CDH20: variants seen among roughly 807,000 people sequenced by gnomAD.
The protein encoded by CDH20 is cadherin 20.
CDH20 carries 29 observed loss-of-function variants against 74.2 expected under a neutral mutation model. The observed-to-expected ratio is 0.39, with a 90% CI of 0.29 to 0.53. The LOEUF (loss-of-function observed/expected upper bound fraction) is 0.53, where lower values mean the gene tolerates loss of function less well. Ranked by LOEUF, CDH20 falls within the 20% of genes least tolerant of loss-of-function variation. The pLI is 0.69. For missense variants in CDH20, 988 were observed against 1,048.3 expected (o/e 0.94, Z 0.79); for synonymous variants, 469 against 405.4 (o/e 1.16, Z -1.88).
At chr18:61,343,932 T>C (rs1047301049) in intron 1 of CDH20, among the ~76,000 whole-genome samples, 1 of 152,086 alleles carries the variant, frequency 6.6e-6, no homozygotes, top group African/African-American at 2.4e-5. Flanking sequence ...TGGAGAGCAG[T>C]GAGTTCCCAG....
chr18:61,408,227 A>T (rs904901642), intron 1 of CDH20, among the ~76,000 whole-genome samples: 1 of 152,144 alleles, frequency 6.6e-6, no homozygotes, highest in African/African-American at 2.4e-5. Context: ...AGGAAATAAG[A>T]GTTTGAAGAT....
chr18:61,388,626 G>A (rs993914180), intron 1 of CDH20, among the ~76,000 whole-genome samples: 2 of 152,146 alleles, frequency 1.3e-5, no homozygotes, highest in African/African-American at 2.4e-5. Flanking sequence ...TTTGATTAAA[G>A]GTTCTGTAAC....
At chr18:61,385,760 T>C (rs1911576310) in intron 1 of CDH20, among the ~76,000 whole-genome samples, 1 of 151,890 alleles carries the variant, frequency 6.6e-6, no homozygotes, top group Non-Finnish European at 1.5e-5. Context: ...TGAAACCCCA[T>C]CTCTACTAAA....
chr18:61,478,198 CAAAA>C (rs56057785), intron 1 of CDH20, among the ~76,000 whole-genome samples: 1 of 104,208 alleles, frequency 9.6e-6, no homozygotes. Flanking sequence ...GACTCTGTCT[CAAAA>C]AAAAAAAAAA....
intron 1 of CDH20, among the ~76,000 whole-genome samples, chr18:61,431,612 G>T (rs188712653): frequency 6.6e-6 from 1 of 151,872 alleles, no homozygotes; most frequent in Admixed American, 6.5e-5. Flanking sequence ...ATATCTTAAA[G>T]AAAAAAAGAC....
rs557477489 is a variant in CDH20 at position 61,427,199 on chromosome 18, C to A, written c.-152-63203C>A. 3.9e-5 allele frequency among the ~76,000 whole-genome samples: 6 copies of A among 152,232 alleles called. No homozygotes were observed. The East Asian group carries it at 1.2e-3, about 29-fold the overall frequency. On this transcript the variant is annotated intron_variant, in intron 1 of 11. Coordinates refer to ENST00000262717, the MANE Select transcript of CDH20 (RefSeq NM_031891.4). ...TGTTTTTCACCTGTATAATTAATAA[C>A]ATTACATACAATAACATTACATACA...
chr18:61,394,432 A>C (rs929384629), intron 1 of CDH20, among the ~76,000 whole-genome samples: 2 of 152,174 alleles, frequency 1.3e-5, no homozygotes, highest in Non-Finnish European at 2.9e-5. Context: ...ACTTGTGCAC[A>C]GACACACACA....
rs1333757780 is a variant in CDH20 at position 61,554,601 on chromosome 18, A to C, written c.2312A>C (p.Glu771Ala). 1 of 1,608,848 alleles carries C rather than the reference A, an allele frequency of 6.2e-7. No individual in the cohort carries two copies. The highest frequency in any genetic ancestry group is 8.5e-7 in the Non-Finnish European group (1 of 1,178,322). ...CTGCAGTCGGCCACGTCGGACTCGG[A>C]ACAGAGCTTCGACTTCCTGACGGAC... is the stretch of plus-strand genomic sequence containing the variant. The part of the protein sequence containing the change: ...SSLQSATSDS[E>A]QSFDFLTDWG... Residue 771 changes from glutamate (E) to alanine (A), a missense_variant, in exon 12 of 12, where the codon GAA becomes GCA. Around this residue, in one of 2 missense-constraint regions of CDH20, gnomAD observed 375 missense variants for 293.1 expected, o/e 1.28. Transcript: ENST00000262717.
At chr18:61,365,168 G>GTGA (rs935484559) in intron 1 of CDH20, among the ~76,000 whole-genome samples, 9 of 152,188 alleles carry the variant, frequency 5.9e-5, no homozygotes, top group African/African-American at 2.2e-4. Flanking sequence ...CACAGAGGAG[G>GTGA]TGATCAATAC....
At chr18:61,407,024 A>G (rs1912352025) in intron 1 of CDH20, among the ~76,000 whole-genome samples, 1 of 152,244 alleles carries the variant, frequency 6.6e-6, no homozygotes. Context: ...CATACTTGCC[A>G]TCAAGATAAA....
chr18:61,413,017 C>G lies in CDH20; in HGVS notation c.-152-77385C>G, dbSNP rs1394746284. Among the ~76,000 whole-genome samples the G allele has an allele frequency of 2.0e-5, 3 of 152,116 alleles. No individual in the cohort carries two copies. In the East Asian group the frequency reaches 5.8e-4, roughly 29 times the overall value. Reference sequence around the variant, plus strand: ...TAAGAAAGTGAAAGCTTAACAACAACAAAAAATGAAGTCAGGAGACGGAGA... The same window carrying G: ...TAAGAAAGTGAAAGCTTAACAACAAGAAAAAATGAAGTCAGGAGACGGAGA... On this transcript the variant is annotated intron_variant, in intron 1 of 11. Transcript: ENST00000262717.
chr18:61,531,478 GT>G (rs1912636933), intron 7 of CDH20, among the ~76,000 whole-genome samples: 1 of 152,168 alleles, frequency 6.6e-6, no homozygotes, highest in South Asian at 2.1e-4. Context: ...GCCAATCGGT[GT>G]TTTTTTATTT....
intron 8 of CDH20, among the ~76,000 whole-genome samples, chr18:61,538,596 G>GTTGTTTTTTTTTTTTTTTTTT (rs1912899197): frequency 1.6e-4 from 4 of 24,518 alleles, no homozygotes; most frequent in Non-Finnish European, 3.9e-4. Flanking sequence ...TTGTTTGTTT[G>GTTGTTTTTTTTTTTTTTTTTT]TTTTTGTTTT....
chr18:61,354,051 AAAAG>A (rs1038226858), intron 1 of CDH20, among the ~76,000 whole-genome samples: 1 of 147,160 alleles, frequency 6.8e-6, no homozygotes, highest in Non-Finnish European at 1.6e-5. Context: ...CAAAAAAAAA[AAAAG>A]AAAAAGAAAA....
At chr18:61,518,603 C>T (rs534975246) in intron 6 of CDH20, among the ~76,000 whole-genome samples, 1 of 151,296 alleles carries the variant, frequency 6.6e-6, no homozygotes, top group South Asian at 2.1e-4. Flanking sequence ...CACACAGAAA[C>T]CCCATCCAAA....
Position 61,347,159 on chromosome 18 carries a change from C to CA in CDH20, c.-153+13337dup, listed in dbSNP as rs1910138651. On this transcript the variant is annotated intron_variant, in intron 1 of 11. Transcript: ENST00000262717. ...CAACAAATGTTAACTATCAAACACACAAAAACAGGCCAGGCTCAGTGGTTC... is the reference window on the plus strand; with the variant it reads ...CAACAAATGTTAACTATCAAACACACAAAAAACAGGCCAGGCTCAGTGGTTC... 2.7e-5 allele frequency among the ~76,000 whole-genome samples: 4 copies of CA among 145,550 alleles called. No individual in the cohort carries two copies. In the South Asian group the frequency reaches 9.3e-4, roughly 34 times the overall value.
In CDH20 at chr18:61,412,560, G is replaced by C. The variant is rs1912549830; in HGVS notation, c.-152-77842G>C. Among the ~76,000 whole-genome samples the C allele has an allele frequency of 2.6e-5, 4 of 151,974 alleles. No homozygotes were observed. In the South Asian group the frequency reaches 6.2e-4, roughly 24 times the overall value. ...AATAAATAGAAAAACAAACAAAAAA[G>C]AATAGTCCAACAACCCATCTGCTGG... On this transcript the variant is annotated intron_variant, in intron 1 of 11. Coordinates refer to ENST00000262717, the MANE Select transcript of CDH20 (RefSeq NM_031891.4).
At chr18:61,461,936 G>A (rs903818782) in intron 1 of CDH20, among the ~76,000 whole-genome samples, 6 of 152,220 alleles carry the variant, frequency 3.9e-5, no homozygotes, top group South Asian at 4.2e-4. Context: ...AAATAGTTAC[G>A]AAGTTGCACT....
At chr18:61,409,712 T>C (rs946523596) in intron 1 of CDH20, among the ~76,000 whole-genome samples, 1 of 152,186 alleles carries the variant, frequency 6.6e-6, no homozygotes, top group Admixed American at 6.5e-5. Context: ...CCTGAGTCCT[T>C]AAGTAATGAA....
Sources: gnomAD v4.1 joint callset for allele counts (sites outside exome capture counted in the v4.1 genomes callset) on GRCh38, gnomAD v4.1.1 for gene constraint, gnomAD v4.1.1 regional missense constraint, MANE v1.5 for transcripts, NCBI Gene and HGNC (gene_info 2026-07-23, HGNC 2026-07-21) for gene names.